SHROOM2: variants seen among roughly 807,000 people sequenced by gnomAD.
The protein encoded by SHROOM2 is shroom family member 2, also known as protein Shroom2.
In SHROOM2, 33 loss-of-function variants were observed where a neutral mutation model predicts 75.9. The observed-to-expected ratio is 0.43, with a 90% confidence interval of 0.33 to 0.58. The LOEUF is 0.58. Among genes scored for constraint, SHROOM2 ranks in the 20% least tolerant of loss-of-function variants. SHROOM2 has a pLI of 0.04. For synonymous variants in SHROOM2, 655 were observed against 663.6 expected (o/e 0.99, Z 0.20); for missense variants, 1,434 against 1,461.2 (o/e 0.98, Z 0.30).
At chrX:9,836,814 T>A (rs765275574) in intron 1 of SHROOM2, among the ~76,000 whole-genome samples, 56 of 111,328 alleles carry the variant, frequency 5.0e-4, no homozygotes, top group African/African-American at 1.7e-3. Flanking sequence ...TCATCATGAT[T>A]CAATTTTAGA....
At chrX:9,857,732 C>T (rs1440855588) in intron 1 of SHROOM2, among the ~76,000 whole-genome samples, 1 of 111,259 alleles carries the variant, frequency 9.0e-6, no homozygotes, top group Non-Finnish European at 1.9e-5. Context: ...TGAACATTTG[C>T]AGACACAGGG....
chrX:9,842,277 GA>G (rs1423617477), intron 1 of SHROOM2, among the ~76,000 whole-genome samples: 1 of 112,329 alleles, frequency 8.9e-6, no homozygotes, highest in Non-Finnish European at 1.9e-5. Context: ...GCTGCATTTA[GA>G]AAACTTTTAA....
intron 1 of SHROOM2, among the ~76,000 whole-genome samples, chrX:9,845,689 G>T (rs2084002492): frequency 9.1e-6 from 1 of 110,274 alleles, no homozygotes; most frequent in African/African-American, 3.3e-5. Flanking sequence ...CCTCCTTTCT[G>T]TCCGTCTCTG....
chrX:9,858,190 C>G (rs2084083307), intron 1 of SHROOM2, among the ~76,000 whole-genome samples: 1 of 111,757 alleles, frequency 8.9e-6, no homozygotes, highest in Non-Finnish European at 1.9e-5. Flanking sequence ...TGAGTTCACT[C>G]CAGAGAAAGG....
chrX:9,911,343 G>A (rs2084424067), intron 5 of SHROOM2, among the ~76,000 whole-genome samples: 1 of 111,966 alleles, frequency 8.9e-6, no homozygotes, highest in Admixed American at 9.5e-5. Context: ...CAGTGCCTAA[G>A]GTTAAGTGTC....
intron 1 of SHROOM2, among the ~76,000 whole-genome samples, chrX:9,789,537 A>T (rs1167412779): frequency 9.0e-6 from 1 of 111,242 alleles, no homozygotes; most frequent in Non-Finnish European, 1.9e-5. Flanking sequence ...GATATATGTG[A>T]TCCTGGTGGG....
chrX:9,839,216 T>C (rs1250569043), intron 1 of SHROOM2, among the ~76,000 whole-genome samples: 1 of 111,358 alleles, frequency 9.0e-6, no homozygotes, highest in African/African-American at 3.3e-5. Context: ...TTGTATGCAT[T>C]ATGTGGGCAA....
intron 3 of SHROOM2, among the ~76,000 whole-genome samples, chrX:9,891,927 T>G (rs772342603): frequency 3.5e-4 from 38 of 108,916 alleles, no homozygotes; most frequent in Non-Finnish European, 5.7e-4. Context: ...GTGTCTGTGT[T>G]TGGAGCTAAT....
intron 7 of SHROOM2, 66 bp from the exon 8 acceptor site, chrX:9,939,129 G>A: frequency 2.0e-6 from 2 of 999,912 alleles, no homozygotes; most frequent in Non-Finnish European, 2.7e-6. Flanking sequence ...CAACCCAGGG[G>A]GTGGGGCAGA....
chrX:9,847,282 G>A (rs1465655745), intron 1 of SHROOM2, among the ~76,000 whole-genome samples: 1 of 112,480 alleles, frequency 8.9e-6, no homozygotes, highest in Non-Finnish European at 1.9e-5. Flanking sequence ...GACTGCTACA[G>A]TGGCCTTTCC....
intron 1 of SHROOM2, among the ~76,000 whole-genome samples, chrX:9,860,733 AATTTTGGTATTCACCCCGT>A (rs1300042364): frequency 9.0e-6 from 1 of 111,544 alleles, no homozygotes; most frequent in African/African-American, 3.3e-5. Flanking sequence ...CACTCATATC[AATTTTGGTATTCACCCCGT>A]ATTCAGGAGT....
chrX:9,863,691 G>A (rs1441812346), intron 1 of SHROOM2, among the ~76,000 whole-genome samples: 10 of 109,605 alleles, frequency 9.1e-5, no homozygotes, highest in Admixed American at 2.0e-4. Flanking sequence ...CTTCAGAAGC[G>A]TGGGCATAGC....
At chrX:9,834,201 G>A (rs2083931711) in intron 1 of SHROOM2, among the ~76,000 whole-genome samples, 1 of 112,065 alleles carries the variant, frequency 8.9e-6, no homozygotes, top group African/African-American at 3.2e-5. Context: ...GCCAAGAGCT[G>A]CAGCGCTGGA....
At chrX:9,908,819 C>T (rs1270694924) in intron 5 of SHROOM2, among the ~76,000 whole-genome samples, 1 of 109,712 alleles carries the variant, frequency 9.1e-6, no homozygotes, top group Admixed American at 9.9e-5. Context: ...TGGTGGTGCA[C>T]CTGTAGTCCC....
intron 1 of SHROOM2, among the ~76,000 whole-genome samples, chrX:9,808,384 A>G (rs754175025): frequency 9.3e-6 from 1 of 107,388 alleles, no homozygotes; most frequent in South Asian, 4.2e-4. Context: ...TCTCTACAAA[A>G]AAAAAAAAAA....
At chrX:9,800,673 C>T (rs933549542) in intron 1 of SHROOM2, among the ~76,000 whole-genome samples, 1 of 109,307 alleles carries the variant, frequency 9.1e-6, no homozygotes, top group Non-Finnish European at 1.9e-5. Context: ...ATGGGGTTCT[C>T]ATCTCTGTCA....
chrX:9,787,385 TCAAAA>T (rs1387021013), intron 1 of SHROOM2, among the ~76,000 whole-genome samples: 1 of 112,206 alleles, frequency 8.9e-6, no homozygotes, highest in African/African-American at 3.2e-5. Flanking sequence ...TTTTATTGTC[TCAAAA>T]CAAAATCCAT....
At position 9,896,299 on chromosome X, in the gene SHROOM2, G is replaced by A. The variant is rs377485600; in HGVS notation, c.2391G>A (p.Arg797=). The change falls in exon 4 of 10, where the codon AGG becomes AGA. Residue 797 remains arginine, a synonymous_variant. Transcript: ENST00000380913. ...ATACTGTGGGCACGTTTGCTGACAG[G>A]TGGAAGTTTTTTGAGGAAACGAGCA... ...SEDTVGTFAD[R]WKFFEETSKP... is the part of the protein sequence containing the mutation. 34 of 1,211,204 alleles carry A rather than the reference G, an allele frequency of 2.8e-5. No homozygotes were observed. The highest frequency in any genetic ancestry group is 3.7e-5 in the Non-Finnish European group (33 of 895,440).
intron 2 of SHROOM2, among the ~76,000 whole-genome samples, chrX:9,881,108 C>T (rs2048030979): frequency 9.0e-6 from 1 of 110,772 alleles, no homozygotes; most frequent in Non-Finnish European, 1.9e-5. Context: ...TTAAATAACT[C>T]GAGTAGTTCC....
Sources: gnomAD v4.1 joint callset for allele counts (sites outside exome capture counted in the v4.1 genomes callset) on GRCh38, gnomAD v4.1.1 for gene constraint, MANE v1.5 for transcripts, NCBI Gene and HGNC (gene_info 2026-07-23, HGNC 2026-07-21) for gene names.